LRP1B: variants seen among roughly 807,000 people sequenced by gnomAD.
The protein encoded by LRP1B is LDL receptor related protein 1B.
In LRP1B, 217 loss-of-function variants were observed where a neutral mutation model predicts 556.6. The observed-to-expected ratio is 0.39, with a 90% CI of 0.35 to 0.44. LRP1B has a LOEUF of 0.44. LRP1B is among the 20% of genes least tolerant of loss of function. The pLI is 1.00. For synonymous variants in LRP1B, 2,047 were observed against 1,865.8 expected (o/e 1.10, Z -2.50); for missense variants, 5,053 against 5,620.8 (o/e 0.90, Z 3.23).
At chr2:141,843,866 A>G (rs1311752759) in intron 1 of LRP1B, among the ~76,000 whole-genome samples, 1 of 152,120 alleles carries the variant, frequency 6.6e-6, no homozygotes, top group Non-Finnish European at 1.5e-5. Context: ...GACCACAGGC[A>G]ATGGTGTATG....
chr2:141,292,748 C>T (rs1053224649), intron 3 of LRP1B, among the ~76,000 whole-genome samples: 1 of 152,134 alleles, frequency 6.6e-6, no homozygotes, highest in East Asian at 1.9e-4. Flanking sequence ...GACCTCAAAA[C>T]TGTCAAACTC....
intron 2 of LRP1B, among the ~76,000 whole-genome samples, chr2:141,603,377 T>C (rs1161587355): frequency 6.6e-6 from 1 of 152,198 alleles, no homozygotes; most frequent in Non-Finnish European, 1.5e-5. Flanking sequence ...TAGTTACTAA[T>C]CCTTCAGTGA....
At chr2:141,315,978 A>G (rs913339936) in intron 3 of LRP1B, among the ~76,000 whole-genome samples, 9 of 140,462 alleles carry the variant, frequency 6.4e-5, no homozygotes, top group Non-Finnish European at 1.1e-4. Flanking sequence ...ATTTGTGACC[A>G]ACATCTAATA....
At chr2:141,106,643 G>A (rs573216317) in intron 7 of LRP1B, among the ~76,000 whole-genome samples, 6 of 152,128 alleles carry the variant, frequency 3.9e-5, no homozygotes, top group African/African-American at 1.2e-4. Context: ...CATGACCTGT[G>A]CAGCTAATAG....
At chr2:141,971,960 T>C (rs1701753426) in intron 1 of LRP1B, among the ~76,000 whole-genome samples, 1 of 151,508 alleles carries the variant, frequency 6.6e-6, no homozygotes, top group South Asian at 2.1e-4. Flanking sequence ...TCTTCACTAG[T>C]CTCTTTTCAT....
intron 2 of LRP1B, among the ~76,000 whole-genome samples, chr2:141,768,153 G>T (rs919898718): frequency 6.6e-6 from 1 of 152,124 alleles, no homozygotes; most frequent in Non-Finnish European, 1.5e-5. Context: ...TCAATGACAA[G>T]TTTCACAACT....
At position 140,393,123 on chromosome 2, in the gene LRP1B, G is replaced by A. The variant is rs115727702; in HGVS notation, c.10415-7114C>T. ...GTTTTCTTTTATTTTTTGTAGAGAT[G>A]GAGTCTAAGTTTCCCATTCTACATT... On this transcript the variant is annotated intron_variant, in intron 66 of 90. Transcript: ENST00000389484. Among the ~76,000 whole-genome samples the A allele has an allele frequency of 3.6e-3, 527 of 148,292 alleles. 4 individuals carry two copies. The highest frequency in any genetic ancestry group is 0.013 in the African/African-American group (510 of 40,638).
chr2:140,659,637 T>C (rs1187953420), intron 41 of LRP1B, among the ~76,000 whole-genome samples: 1 of 152,024 alleles, frequency 6.6e-6, no homozygotes, highest in African/African-American at 2.4e-5. Flanking sequence ...GAACCCCACC[T>C]ACAAATTTAA....
intron 84 of LRP1B, among the ~76,000 whole-genome samples, chr2:140,275,881 A>G (rs1682651844): frequency 6.6e-6 from 1 of 152,018 alleles, no homozygotes; most frequent in Non-Finnish European, 1.5e-5. Flanking sequence ...AATGAAACAA[A>G]GACTATTTAA....
At chr2:141,438,158 G>A (rs1319283326) in intron 3 of LRP1B, among the ~76,000 whole-genome samples, 5 of 152,252 alleles carry the variant, frequency 3.3e-5, no homozygotes, top group African/African-American at 9.6e-5. Context: ...GATAACGACT[G>A]TAGAGAGTTT....
chr2:140,523,893 T>G (rs76563957), intron 49 of LRP1B, among the ~76,000 whole-genome samples: 4,371 of 151,914 alleles, frequency 0.029, 194 homozygotes, highest in African/African-American at 0.094. Context: ...AAGAAATGCT[T>G]TTCTGGACAC....
chr2:140,889,121 C>A (rs781243970), intron 23 of LRP1B, among the ~76,000 whole-genome samples: 2 of 152,138 alleles, frequency 1.3e-5, no homozygotes, highest in Non-Finnish European at 2.9e-5. Flanking sequence ...TAGACTGCTG[C>A]CAGTCCACAG....
In LRP1B at chr2:141,639,424, T is replaced by TATA. The variant is rs1335629124; in HGVS notation, c.206-158892_206-158891insTAT. Among the ~76,000 whole-genome samples the TATA allele has an allele frequency of 5.7e-3, 687 of 120,060 alleles. 16 individuals are homozygous for TATA. Among genetic ancestry groups the TATA allele is most frequent in the Middle Eastern group, 8.7e-3 (2 of 230 alleles). The allele number at this position is 120,060 out of a possible 152,430, so 78.8% of individuals were successfully genotyped here. A position where few individuals can be genotyped will look rare whatever the true frequency, so the allele number is the denominator to read the frequency against. ...TATATATGTGTATATATATATATAT[T>TATA]TTTTTTTGAGACAGAGTCTCACTCT... On this transcript the variant is annotated intron_variant, in intron 2 of 90. Coordinates refer to ENST00000389484, the MANE Select transcript of LRP1B (RefSeq NM_018557.3).
chr2:140,791,111 T>C (rs1690104403), intron 32 of LRP1B, among the ~76,000 whole-genome samples: 2 of 151,866 alleles, frequency 1.3e-5, no homozygotes, highest in Admixed American at 6.6e-5. Context: ...AAAATTAGCT[T>C]GGCATAGTGG....
chr2:141,086,554 T>G (rs1169152121), intron 7 of LRP1B, among the ~76,000 whole-genome samples: 1 of 151,836 alleles, frequency 6.6e-6, no homozygotes, highest in Non-Finnish European at 1.5e-5. Flanking sequence ...ATTTAAAAGG[T>G]AAAAATAAAA....
intron 27 of LRP1B, among the ~76,000 whole-genome samples, chr2:140,858,275 C>T (rs1473135763): frequency 6.6e-6 from 1 of 151,758 alleles, no homozygotes; most frequent in East Asian, 1.9e-4. Context: ...TGGAGTAGAA[C>T]TAGGGATTCT....
chr2:141,459,573 GT>G (rs776488246), intron 3 of LRP1B, among the ~76,000 whole-genome samples: 1 of 152,092 alleles, frequency 6.6e-6, no homozygotes, highest in Non-Finnish European at 1.5e-5. Context: ...TAATTCCCGA[GT>G]GTTGTGGGAG....
chr2:141,730,898 A>G (rs1693245840), intron 2 of LRP1B, among the ~76,000 whole-genome samples: 1 of 151,716 alleles, frequency 6.6e-6, no homozygotes, highest in Non-Finnish European at 1.5e-5. Context: ...GTGTATAAAG[A>G]CTCCTTTTTG....
At chr2:141,445,379 G>C (rs1573953537) in intron 3 of LRP1B, among the ~76,000 whole-genome samples, 1 of 152,244 alleles carries the variant, frequency 6.6e-6, no homozygotes, top group South Asian at 2.1e-4. Flanking sequence ...ACCAGCTCCT[G>C]CATTCATTGA....
Sources: allele counts gnomAD v4.1 joint callset (sites outside exome capture counted in the v4.1 genomes callset), GRCh38; gene constraint gnomAD v4.1.1; transcripts MANE v1.5; gene names NCBI Gene and HGNC (gene_info 2026-07-23, HGNC 2026-07-21).